The following PEAK1 variants were observed in gnomAD, a reference collection of about 807,000 sequenced individuals.
The protein encoded by PEAK1 is pseudopodium enriched atypical kinase 1.
Under a neutral mutation model 124.7 loss-of-function variants are expected in PEAK1, and 54 were observed. The ratio of observed to expected loss-of-function variants is 0.43; its 90% CI spans 0.35 to 0.54. The LOEUF (loss-of-function observed/expected upper bound fraction) is 0.54. Among genes scored for constraint, PEAK1 ranks in the 20% least tolerant of loss-of-function variants. The pLI is 0.01. For missense variants in PEAK1, 2,046 were observed against 2,134.5 expected, an observed-to-expected ratio of 0.96 and a Z score of 0.82; for synonymous variants, 719 against 760.0, an observed-to-expected ratio of 0.95 and a Z score of 0.89.
intron 2 of PEAK1, chr15:77,352,819 G>A (rs929008644): frequency 8.1e-6 from 8 of 984,946 alleles, no homozygotes; most frequent in African/African-American, 3.5e-5. Context: ...GAAGATAGAT[G>A]TGCCAAACAG....
At chr15:77,294,083 C>A (rs560494864) in intron 2 of PEAK1, among the ~76,000 whole-genome samples, 5 of 152,266 alleles carry the variant, frequency 3.3e-5, no homozygotes, top group Non-Finnish European at 5.9e-5. Flanking sequence ...ACAGGAGAAA[C>A]AAAAGCATTT....
intron 6 of PEAK1, among the ~76,000 whole-genome samples, chr15:77,244,585 TTTTC>T (rs2060495993): frequency 1.3e-5 from 2 of 151,982 alleles, no homozygotes; most frequent in Admixed American, 1.3e-4. Context: ...CTCAAGGGAC[TTTTC>T]TTTTTCTTTT....
chr15:77,349,601 TATG>T, intron 2 of PEAK1: 1 of 984,900 alleles, frequency 1.0e-6, no homozygotes, highest in South Asian at 4.7e-5. Context: ...TATGCTTGAG[TATG>T]ATACTGAATC....
chr15:77,336,918 T>C lies in PEAK1; in HGVS notation c.-603+28245A>G, dbSNP rs190172461. On this transcript the variant is annotated intron_variant, in intron 2 of 9. Transcript: ENST00000682557. ...GAAAAAAAAAAAGAATAAAATGGGA[T>C]GTACAGACCAAGGCCATTTGTGAAA... is the stretch of plus-strand genomic sequence containing the variant. Among the ~76,000 whole-genome samples, 4 of 150,536 alleles carry C rather than the reference T, an allele frequency of 2.7e-5. No homozygotes were observed. In the East Asian group the frequency reaches 7.8e-4, roughly 29 times the overall value.
chr15:77,271,601 TA>T (rs1054756158), intron 5 of PEAK1, among the ~76,000 whole-genome samples: 40 of 151,944 alleles, frequency 2.6e-4, no homozygotes, highest in Admixed American at 4.6e-4. Context: ...TATGCAGCCA[TA>T]AAAAAAGGGT....
intron 1 of PEAK1, among the ~76,000 whole-genome samples, chr15:77,368,378 C>T (rs1054114935): frequency 6.6e-6 from 1 of 151,862 alleles, no homozygotes; most frequent in African/African-American, 2.4e-5. Context: ...ATTAGCAGGG[C>T]GTGATGGCAG....
intron 5 of PEAK1, among the ~76,000 whole-genome samples, chr15:77,278,105 C>T (rs958036422): frequency 6.6e-6 from 1 of 152,054 alleles, no homozygotes; most frequent in African/African-American, 2.4e-5. Flanking sequence ...CGCTCGTGGG[C>T]ACGAGGGTAT....
At chr15:77,342,085 A>G (rs1449735137) in intron 2 of PEAK1, among the ~76,000 whole-genome samples, 2 of 151,826 alleles carry the variant, frequency 1.3e-5, no homozygotes, top group East Asian at 3.9e-4. Flanking sequence ...TTAGCCCAGC[A>G]GTATGCAGAA....
At chr15:77,351,172 G>C (rs1236654412) in intron 2 of PEAK1, among the ~76,000 whole-genome samples, 1 of 152,196 alleles carries the variant, frequency 6.6e-6, no homozygotes, top group East Asian at 1.9e-4. Context: ...TCTTCCTGGG[G>C]AGGTGAAGAA....
In PEAK1 at chr15:77,339,655, G is replaced by A. The variant is rs1473397307; in HGVS notation, c.-603+25508C>T. On this transcript the variant is annotated intron_variant, in intron 2 of 9. Coordinates refer to ENST00000682557, the MANE Select transcript of PEAK1 (RefSeq NM_001385026.1). Reference sequence around the variant, plus strand: ...AAGCACTATCCAAGAAAAACAAACTGGTAAGTTGGACATCATTAAAACTTC... The same window carrying A: ...AAGCACTATCCAAGAAAAACAAACTAGTAAGTTGGACATCATTAAAACTTC... Among the ~76,000 whole-genome samples, 3 of 151,978 alleles carry A rather than the reference G, an allele frequency of 2.0e-5. No homozygotes were observed. In the East Asian group the frequency reaches 5.8e-4, roughly 29 times the overall value.
intron 5 of PEAK1, chr15:77,278,878 G>T (rs528008883): frequency 1.1e-5 from 3 of 283,140 alleles, no homozygotes; most frequent in South Asian, 6.4e-5. Flanking sequence ...TATCGCCCAG[G>T]CTGGAGTGCA....
At chr15:77,256,428 T>C (rs903864085) in intron 5 of PEAK1, among the ~76,000 whole-genome samples, 10 of 151,740 alleles carry the variant, frequency 6.6e-5, no homozygotes, top group African/African-American at 2.4e-4. Context: ...AAAAATCATA[T>C]AGAATGGAAA....
intron 5 of PEAK1, among the ~76,000 whole-genome samples, chr15:77,275,628 A>C (rs1360966125): frequency 1.3e-5 from 2 of 152,116 alleles, no homozygotes; most frequent in Non-Finnish European, 2.9e-5. Context: ...AGGCAGGAGA[A>C]TTGCTTGAAC....
At chr15:77,171,665 A>G (rs1458768867) in intron 7 of PEAK1, among the ~76,000 whole-genome samples, 2 of 152,182 alleles carry the variant, frequency 1.3e-5, no homozygotes, top group African/African-American at 4.8e-5. Context: ...AGTTTCAGAT[A>G]GCTAGAAGGA....
At chr15:77,277,620 T>C (rs1051359880) in intron 5 of PEAK1, among the ~76,000 whole-genome samples, 1 of 70,854 alleles carries the variant, frequency 1.4e-5, no homozygotes, top group Non-Finnish European at 2.6e-5. Flanking sequence ...AAAAAGTGAA[T>C]TAATTCTGTG....
rs145595789 is a variant in PEAK1 at position 77,213,679 on chromosome 15, A to G, written c.-114-31639T>C. ...ACTCCAGCCTGGGTGACAGAGTGAG[A>G]CTCTGTCTCAAAAAAACAAAAACAA... On this transcript the variant is annotated intron_variant, in intron 6 of 9. Transcript: ENST00000682557. Among the ~76,000 whole-genome samples, 721 of 152,166 alleles carry G rather than the reference A, an allele frequency of 4.7e-3. 4 individuals are homozygous for G. Among genetic ancestry groups the G allele is most frequent in the African/African-American group, 0.016 (669 of 41,492 alleles).
intron 7 of PEAK1, among the ~76,000 whole-genome samples, chr15:77,161,671 ATG>A (rs2055654064): frequency 6.6e-6 from 1 of 152,136 alleles, no homozygotes; most frequent in South Asian, 2.1e-4. Flanking sequence ...AGCTCTTTGT[ATG>A]ATTAAAATGA....
intron 7 of PEAK1, among the ~76,000 whole-genome samples, chr15:77,176,655 C>G (rs1368466482): frequency 1.3e-5 from 2 of 152,186 alleles, no homozygotes; most frequent in African/African-American, 2.4e-5. Flanking sequence ...TTTGGAAGAC[C>G]TGACTGGCCT....
rs367726054 is a variant in PEAK1, at chr15:77,180,954, C to A, written c.973G>T (p.Val325Leu). 15 of 1,614,032 alleles carry A rather than the reference C, an allele frequency of 9.3e-6. No homozygotes were observed. The highest frequency in any genetic ancestry group is 1.2e-5 in the Non-Finnish European group (14 of 1,180,028). ...EILNGYEENS[V>L]VSYGQGSIQS... ...ATGCTTCCTTGTCCATAAGAGACCA[C>A]AGAATTTTCCTCATAACCATTCAGG... Residue 325 changes from valine (V) to leucine (L), a missense_variant, in exon 7 of 10, where the codon GTG (valine) becomes TTG (leucine). By Grantham distance (32) the Val-to-Leu change is conservative. Transcript: ENST00000682557.
Sources: gnomAD v4.1 joint callset for allele counts (sites outside exome capture counted in the v4.1 genomes callset) on GRCh38, gnomAD v4.1.1 for gene constraint, MANE v1.5 for transcripts, NCBI Gene and HGNC (gene_info 2026-07-23, HGNC 2026-07-21) for gene names.